C5orf58: variants seen among roughly 807,000 people sequenced by gnomAD.
C5orf58 encodes chromosome 5 open reading frame 58.
Under a neutral mutation model 2.9 loss-of-function variants are expected in C5orf58, and 2 were observed. That is an observed-to-expected ratio of 0.69 (90% CI 0.28 to 2.18). C5orf58 has a LOEUF of 2.18. C5orf58 is among the 30% of genes most tolerant of loss of function. The pLI, the probability that C5orf58 is intolerant of heterozygous loss-of-function variation, is 0.13. For missense variants in C5orf58, 96 were observed against 91.7 expected, an observed-to-expected ratio of 1.05 and a Z score of -0.19; for synonymous variants, 37 against 33.4, an observed-to-expected ratio of 1.11 and a Z score of -0.37.
intron 3 of C5orf58, among the ~76,000 whole-genome samples, chr5:170,241,245 C>A (rs895161809): frequency 1.3e-4 from 19 of 151,958 alleles, no homozygotes; most frequent in African/African-American, 2.4e-4. Flanking sequence ...CTTAGGATTG[C>A]CTTGGTGATG....
downstream of C5orf58, among the ~76,000 whole-genome samples, chr5:170,249,282 G>A (rs886206115): frequency 4.6e-5 from 7 of 151,468 alleles, no homozygotes; most frequent in African/African-American, 1.5e-4. Flanking sequence ...CCGAGATTGC[G>A]CCATTGCCGC....
downstream of C5orf58, chr5:170,252,547 T>G (rs758494157): frequency 5.6e-6 from 6 of 1,071,944 alleles, no homozygotes; most frequent in Non-Finnish European, 7.0e-6. Flanking sequence ...GAATAAATTT[T>G]ACAGTTACAG....
rs879743775 is a variant in C5orf58, at chr5:170,240,073, A to G, written c.94+5003A>G. ...AGTTTACTGAGAATGATGATTTCCA[A>G]TTTCATCCATGTCCCTACAAAGGAC... On this transcript the variant is annotated intron_variant, in intron 3 of 3. Transcript: ENST00000593851. Among the ~76,000 whole-genome samples, 334 of 150,104 alleles carry G rather than the reference A, an allele frequency of 2.2e-3. 1 individual carries two copies. Among genetic ancestry groups the G allele is most frequent in the African/African-American group, 6.3e-3 (256 of 40,818 alleles).
Position 170,234,389 on chromosome 5 carries a change from G to A in C5orf58, c.-1+191G>A, listed in dbSNP as rs1760653044. On this transcript the variant is annotated intron_variant, in intron 2 of 3. Transcript: ENST00000593851. Reference sequence around the variant, plus strand: ...ATCTGACACAATTGGTTAAATACAGGTACTGTATAACATAGGAATGCGTTG... The same window carrying A: ...ATCTGACACAATTGGTTAAATACAGATACTGTATAACATAGGAATGCGTTG... Among the ~76,000 whole-genome samples, 3 of 152,102 alleles carry A rather than the reference G, an allele frequency of 2.0e-5. No homozygotes were observed. The South Asian group carries it at 6.2e-4, about 32-fold the overall frequency.
downstream of C5orf58, among the ~76,000 whole-genome samples, chr5:170,249,362 G>GTACA (rs1554139298): frequency 9.2e-6 from 1 of 108,146 alleles, no homozygotes; most frequent in African/African-American, 3.1e-5. Context: ...GCATGCGTGT[G>GTACA]TATATATATA....
At chr5:170,248,719 G>A (rs771198621), downstream of C5orf58, 29 of 1,611,754 alleles carry the variant, frequency 1.8e-5, no homozygotes, top group South Asian at 2.6e-4. Context: ...TGCAGCATGC[G>A]TTAATGTGCA....
intron 2 of C5orf58, chr5:170,251,507 A>G: frequency 3.1e-6 from 1 of 325,850 alleles, no homozygotes; most frequent in South Asian, 2.5e-5. Context: ...TAATATTAAT[A>G]CTGTAAAGAT....
chr5:170,250,196 C>T (rs540655435), downstream of C5orf58, among the ~76,000 whole-genome samples: 1 of 152,314 alleles, frequency 6.6e-6, no homozygotes, highest in East Asian at 1.9e-4. Context: ...TTCTTTCCAT[C>T]CGTTCTGATT....
chr5:170,234,259 C>G (rs1036892926), intron 2 of C5orf58, 61 bp downstream of exon 2: 1 of 1,021,560 alleles, frequency 9.8e-7, no homozygotes, highest in East Asian at 4.9e-5. Flanking sequence ...ACCTTTCACA[C>G]TGCTGGAGTT....
At chr5:170,249,281 C>T (rs1047409564), downstream of C5orf58, among the ~76,000 whole-genome samples, 9 of 151,516 alleles carry the variant, frequency 5.9e-5, no homozygotes, top group Non-Finnish European at 1.3e-4. Context: ...GCCGAGATTG[C>T]GCCATTGCCG....
chr5:170,250,252 C>T (rs1027198762), downstream of C5orf58, among the ~76,000 whole-genome samples: 1 of 152,200 alleles, frequency 6.6e-6, no homozygotes, highest in African/African-American at 2.4e-5. Flanking sequence ...CTTGGCCTAA[C>T]AGAGAATTTC....
downstream of C5orf58, among the ~76,000 whole-genome samples, chr5:170,249,968 C>G (rs1459667473): frequency 6.6e-6 from 1 of 152,218 alleles, no homozygotes; most frequent in African/African-American, 2.4e-5. Context: ...CCACTGCCAA[C>G]CAGCGATTCA....
Position 170,233,790 on chromosome 5 carries a change from A to G in C5orf58, c.-84-325A>G, listed in dbSNP as rs1056496917. On this transcript the variant is annotated intron_variant, in intron 1 of 3. Coordinates refer to ENST00000593851, the MANE Select transcript of C5orf58 (RefSeq NM_001102609.3). ...CTGCCTCCAGTCCAGTCCCAGCTAC[A>G]TTGTTGTGTAGCACCCCACTGTGCC... The G allele has an allele frequency of 4.5e-5, 12 of 268,132 alleles. No homozygotes were observed. The Admixed American group carries it at 6.1e-4, about 14-fold the overall frequency. The allele number at this position is 268,132 out of a possible 1,614,324, so 16.6% of individuals were successfully genotyped here. A position where few individuals can be genotyped will look rare whatever the true frequency, so the allele number is the denominator to read the frequency against.
intron 3 of C5orf58, among the ~76,000 whole-genome samples, chr5:170,239,882 G>T (rs1042884820): frequency 2.0e-5 from 3 of 151,832 alleles, no homozygotes; most frequent in Admixed American, 6.6e-5. Context: ...CCACTAACTC[G>T]TCATCTAGCA....
At chr5:170,239,932 C>A (rs369505948) in intron 3 of C5orf58, among the ~76,000 whole-genome samples, 2 of 151,938 alleles carry the variant, frequency 1.3e-5, no homozygotes, top group South Asian at 4.2e-4. Flanking sequence ...CCCGTCCCCC[C>A]ACCCCACCAC....
At chr5:170,246,282 G>A (rs1169818968), downstream of C5orf58, 28 of 552,734 alleles carry the variant, frequency 5.1e-5, no homozygotes, top group Non-Finnish European at 7.6e-5. Context: ...CTTAACTTAC[G>A]TCACTAATGG....
Position 170,245,971 on chromosome 5 carries a change from A to G in C5orf58, c.104A>G (p.Gln35Arg), listed in dbSNP as rs1360177909. The G allele has an allele frequency of 6.8e-6, 11 of 1,613,214 alleles. No individual in the cohort carries two copies. Among genetic ancestry groups the G allele is most frequent in the Non-Finnish European group, 9.3e-6 (11 of 1,179,568 alleles). ...SELKKIKELS[Q>R]LLLCDLILHF... is the part of the protein sequence containing the mutation. The stretch of plus-strand genomic sequence containing the variant: ...GTTTTGTTTTGCACAGAGCTCTCCC[A>G]GTTATTGCTTTGTGACCTTATCCTA... Residue 35 changes from glutamine to arginine, a missense_variant, in exon 4 of 4, where the codon CAG becomes CGG. By Grantham distance (43) the Gln-to-Arg change is conservative. Coordinates refer to ENST00000593851, the MANE Select transcript of C5orf58 (RefSeq NM_001102609.3).
At chr5:170,239,591 C>T (rs1229890903) in intron 3 of C5orf58, among the ~76,000 whole-genome samples, 1 of 151,578 alleles carries the variant, frequency 6.6e-6, no homozygotes, top group Non-Finnish European at 1.5e-5. Context: ...TTGTAACATG[C>T]CTTAGACTTA....
intron 3 of C5orf58, among the ~76,000 whole-genome samples, chr5:170,238,857 A>T (rs1760853274): frequency 6.6e-6 from 1 of 152,078 alleles, no homozygotes; most frequent in Admixed American, 6.6e-5. Context: ...TTTCAGACAT[A>T]TAATTTTATT....
Sources: gnomAD v4.1 joint callset for allele counts (sites outside exome capture counted in the v4.1 genomes callset) on GRCh38, gnomAD v4.1.1 for gene constraint, MANE v1.5 for transcripts, NCBI Gene and HGNC (gene_info 2026-07-23, HGNC 2026-07-21) for gene names.